LPIN1: variants seen among roughly 807,000 people sequenced by gnomAD.
LPIN1 encodes phosphatidate phosphatase LPIN1.
Under a neutral mutation model 107.5 loss-of-function variants are expected in LPIN1, and 71 were observed. The observed-to-expected ratio is 0.66, with a 90% CI of 0.55 to 0.80. The LOEUF (loss-of-function observed/expected upper bound fraction) is 0.80, where lower values mean the gene tolerates loss of function less well. Ranked by LOEUF, LPIN1 falls within the 30% of genes least tolerant of loss-of-function variation. The probability of loss-of-function intolerance (pLI) is 0.00; values close to 1 mark genes in which losing one functional copy is unlikely to be tolerated. For missense variants in LPIN1, 1,043 were observed against 1,160.6 expected, an observed-to-expected ratio of 0.90 and a Z score of 1.47; for synonymous variants, 445 against 452.6, an observed-to-expected ratio of 0.98 and a Z score of 0.21.
At chr2:11,724,929 T>C (rs1281296997) in intron 1 of LPIN1, among the ~76,000 whole-genome samples, 2 of 152,232 alleles carry the variant, frequency 1.3e-5, no homozygotes. Flanking sequence ...TATAAAATTC[T>C]AATGTAGACA....
At chr2:11,814,512 A>ATGTGTGTGTG (rs71394769) in intron 17 of LPIN1, among the ~76,000 whole-genome samples, 304 of 138,528 alleles carry the variant, frequency 2.2e-3, no homozygotes, top group Middle Eastern at 0.019. Context: ...GTGTGTGTGC[A>ATGTGTGTGTG]TGTGTGTGTG....
At chr2:11,782,530 G>C in intron 8 of LPIN1, 23 bp downstream of exon 8, 1 of 1,613,050 alleles carries the variant, frequency 6.2e-7, no homozygotes, top group African/African-American at 1.3e-5. Flanking sequence ...GGGCTTCCCG[G>C]CTCTTTTTCT....
intron 1 of LPIN1, among the ~76,000 whole-genome samples, chr2:11,688,177 T>A (rs1461157578): frequency 6.6e-6 from 1 of 152,190 alleles, no homozygotes; most frequent in Non-Finnish European, 1.5e-5. Context: ...ATAAATGGAA[T>A]AAGAATGGAG....
rs1286848890 is a variant in LPIN1, at chr2:11,774,813, C to T, written c.722+1068C>T. ...CCTGGTTTCCAGCCAATACTGATGT[C>T]GCGGGTTAGTCCAGCAGGCTGAGGC... On this transcript the variant is annotated intron_variant, in intron 5 of 20. Coordinates refer to ENST00000674199, the MANE Select transcript of LPIN1 (RefSeq NM_001349206.2). This position sits in a 1 kb window ranked among gnomAD's most constrained non-coding sequence, Gnocchi z 4.4. Among the ~76,000 whole-genome samples the T allele has an allele frequency of 6.6e-6, 1 of 152,090 alleles. No individual in the cohort carries two copies. Among genetic ancestry groups the T allele is most frequent in the Non-Finnish European group, 1.5e-5 (1 of 68,026 alleles).
At chr2:11,744,451 C>T (rs965937481), upstream of LPIN1, among the ~76,000 whole-genome samples, 1 of 152,212 alleles carries the variant, frequency 6.6e-6, no homozygotes, top group Non-Finnish European at 1.5e-5. Flanking sequence ...CTCCCCCCAA[C>T]CCTTGGCCTT....
chr2:11,796,915 C>T (rs777821280), intron 14 of LPIN1, among the ~76,000 whole-genome samples: 1 of 152,320 alleles, frequency 6.6e-6, no homozygotes, highest in Non-Finnish European at 1.5e-5. Context: ...CTTTGCTCCT[C>T]GGTAACCATT....
Position 11,825,222 on chromosome 2 carries a change from C to T in LPIN1, c.*431C>T. On this transcript the variant is annotated 3_prime_UTR_variant, in exon 21 of 21. Transcript: ENST00000674199. The surrounding 1 kb of genome is among the most constrained non-coding windows in gnomAD (Gnocchi z 4.1). The stretch of plus-strand genomic sequence containing the variant: ...ACGGTTTTTGGCAAAGTAGGGGGCA[C>T]ATTTCCATTATAGCAATGTTAGTGC... 4.2e-6 allele frequency: 1 copy of T among 236,738 alleles called. No homozygotes were observed. Among genetic ancestry groups the T allele is most frequent in the Non-Finnish European group, 8.5e-6 (1 of 118,218 alleles). 14.7% of individuals were successfully genotyped at this position (236,738 alleles called of 1,614,324 possible). A position where few individuals can be genotyped will look rare whatever the true frequency, so the allele number is the denominator to read the frequency against.
At chr2:11,709,585 A>G (rs1663302138) in intron 1 of LPIN1, among the ~76,000 whole-genome samples, 1 of 152,218 alleles carries the variant, frequency 6.6e-6, no homozygotes, top group Admixed American at 6.5e-5. Context: ...CCCGAGTTAT[A>G]TGCTGCCATT....
At chr2:11,736,909 G>A (rs191335967) in intron 1 of LPIN1, among the ~76,000 whole-genome samples, 70 of 152,366 alleles carry the variant, frequency 4.6e-4, no homozygotes, top group African/African-American at 1.7e-3. Context: ...CCTGGGACTG[G>A]CAAAGGAGGC....
intron 13 of LPIN1, among the ~76,000 whole-genome samples, chr2:11,794,087 T>A (rs549986760): frequency 6.6e-6 from 1 of 152,380 alleles, no homozygotes; most frequent in South Asian, 2.1e-4. Flanking sequence ...ATATAATTGT[T>A]CTTTGACATT....
chr2:11,815,248 G>A lies in LPIN1; in HGVS notation c.2402+8G>A. On this transcript the variant is annotated splice_region_variant and intron_variant, in intron 18 of 20. Transcript: ENST00000674199. ...CTTCTCTGCCCTGCACAGGTACCAG[G>A]CCTGCTCCCTGCACCTCCATCTGTG... 2.5e-6 allele frequency: 4 copies of A among 1,613,738 alleles called. No individual in the cohort carries two copies. The highest frequency in any genetic ancestry group is 1.7e-5 in the Admixed American group (1 of 59,996).
rs1024372611 is a variant in LPIN1 at position 11,771,395 on chromosome 2, C to A, written c.312C>A (p.Ala104=). The A allele has an allele frequency of 6.2e-7, 1 of 1,614,162 alleles. No individual in the cohort carries two copies. The highest frequency in any genetic ancestry group is 1.1e-5 in the South Asian group (1 of 91,074). Reference sequence around the variant, plus strand: ...AGGAAGTTATCCCTATGCACCTGGCCACCTCCCCCATCCTGTCAGAAGGAG... The same window carrying A: ...AGGAAGTTATCCCTATGCACCTGGCAACCTCCCCCATCCTGTCAGAAGGAG... ...NDQEVIPMHL[A]TSPILSEGAS... The change falls in exon 4 of 21, where the codon GCC becomes GCA. Residue 104 remains alanine, a synonymous_variant. Coordinates refer to ENST00000674199, the MANE Select transcript of LPIN1 (RefSeq NM_001349206.2). This position sits in a 1 kb window ranked among gnomAD's most constrained non-coding sequence, Gnocchi z 4.8.
At chr2:11,726,770 A>G (rs1266096188) in intron 1 of LPIN1, among the ~76,000 whole-genome samples, 1 of 152,194 alleles carries the variant, frequency 6.6e-6, no homozygotes, top group Non-Finnish European at 1.5e-5. Context: ...CTGATCTACG[A>G]TCCTCAATGT....
intron 18 of LPIN1, chr2:11,818,857 A>G (rs932874384): frequency 6.6e-6 from 1 of 152,146 alleles, no homozygotes. Context: ...AAATTTAAGT[A>G]TTTTAAAAAA....
rs777901720 is a variant in LPIN1 at position 11,802,856 on chromosome 2, G to A, written c.1887-51G>A. 2.5e-6 allele frequency: 4 copies of A among 1,606,724 alleles called. No homozygotes were observed. The African/African-American group carries it at 4.0e-5, about 16-fold the overall frequency. ...GATTAAAGGCTAATGCATTTTTCAT[G>A]GCTACCCAGATGCATTTTCTAATTG... On this transcript the variant is annotated intron_variant, in intron 14 of 20. Transcript: ENST00000674199.
chr2:11,819,312 G>A (rs1028709878), intron 18 of LPIN1, 172 bp from the exon 19 acceptor site: 25 of 599,550 alleles, frequency 4.2e-5, no homozygotes, highest in Non-Finnish European at 6.8e-5. Flanking sequence ...TTGAAAGTAC[G>A]GGTTTACTTT....
intron 12 of LPIN1, chr2:11,791,612 C>G (rs1675736055): frequency 1.3e-5 from 16 of 1,222,194 alleles, no homozygotes; most frequent in South Asian, 3.0e-5. Flanking sequence ...TCCAGTCTTA[C>G]TAATCACTAA....
intron 1 of LPIN1, among the ~76,000 whole-genome samples, chr2:11,694,133 C>A (rs1465193255): frequency 6.6e-6 from 1 of 151,662 alleles, no homozygotes; most frequent in African/African-American, 2.4e-5. Context: ...CATGCCCGAC[C>A]AAGAGCCATA....
chr2:11,703,283 G>C (rs896470814), intron 1 of LPIN1, among the ~76,000 whole-genome samples: 39 of 152,116 alleles, frequency 2.6e-4, no homozygotes, highest in Non-Finnish European at 1.5e-5. Context: ...TGCCTGCTGG[G>C]GGGATTGGAG....
Sources: allele counts gnomAD v4.1 joint callset (sites outside exome capture counted in the v4.1 genomes callset), GRCh38; gene constraint gnomAD v4.1.1; non-coding constraint Gnocchi (gnomAD v3.1); transcripts MANE v1.5; gene names NCBI Gene and HGNC (gene_info 2026-07-23, HGNC 2026-07-21).